Variants in HSPA2 observed in about 807,000 individuals in gnomAD.
The protein encoded by HSPA2 is heat shock-related 70 kDa protein 2.
HSPA2 carries 13 observed loss-of-function variants against 35.0 expected under a neutral mutation model. The observed-to-expected ratio is 0.37, with a 90% CI of 0.24 to 0.59. The LOEUF (loss-of-function observed/expected upper bound fraction) is 0.59. Among genes scored for constraint, HSPA2 ranks in the 20% least tolerant of loss-of-function variants. The pLI, the probability that HSPA2 is intolerant of heterozygous loss-of-function variation, is 0.70. For synonymous variants in HSPA2, 368 were observed against 382.1 expected (o/e 0.96, Z 0.43); for missense variants, 565 against 885.4 (o/e 0.64, Z 4.59).
chr14:64,542,465 T>C lies in HSPA2; in HGVS notation c.1616T>C (p.Val539Ala), dbSNP rs2080041584. ...GAAGATGAGGCGAATCGCGACCGAG[T>C]CGCGGCCAAAAACGCCCTGGAGTCC... ...KSEDEANRDR[V>A]AAKNALESYT... is the part of the protein sequence containing the mutation. The change falls in exon 1 of 1, where the codon GTC becomes GCC. Residue 539 changes from valine (V) to alanine (A), a missense_variant. By Grantham distance (64) the Val-to-Ala change is moderately conservative. This residue lies in a region of HSPA2 where 147 missense variants were observed against 166.7 expected (regional missense o/e 0.88). Coordinates refer to ENST00000247207, the MANE Select transcript of HSPA2 (RefSeq NM_021979.4). This position sits in a 1 kb window ranked among gnomAD's most constrained non-coding sequence, Gnocchi z 5.7. The C allele has an allele frequency of 6.2e-7, 1 of 1,612,720 alleles. No individual in the cohort carries two copies.
In HSPA2 at chr14:64,540,863, G is replaced by T; in HGVS notation, c.14G>T (p.Gly5Val). ...CTTTCAGTCAGGATGTCTGCCCGTGGCCCGGCTATCGGCATCGACCTGGGC... is the reference window on the plus strand; with the variant it reads ...CTTTCAGTCAGGATGTCTGCCCGTGTCCCGGCTATCGGCATCGACCTGGGC... The part of the protein sequence containing the change: MSAR[G>V]PAIGIDLGTT... The change falls in exon 1 of 1, where the codon GGC becomes GTC. Residue 5 changes from glycine (G) to valine (V), a missense_variant. Around this residue, in one of 4 missense-constraint regions of HSPA2, gnomAD observed 183 missense variants for 281.6 expected, o/e 0.65. Coordinates refer to ENST00000247207, the MANE Select transcript of HSPA2 (RefSeq NM_021979.4). 6.2e-7 allele frequency: 1 copy of T among 1,614,122 alleles called. No homozygotes were observed. The highest frequency in any genetic ancestry group is 8.5e-7 in the Non-Finnish European group (1 of 1,180,018).
Position 64,541,257 on chromosome 14 carries a change from G to T in HSPA2, c.408G>T (p.Leu136=). ...TKMKEIAEAY[L]GGKVHSAVIT... ...TGAAGGAGATCGCGGAAGCCTACCT[G>T]GGGGGCAAGGTGCACAGCGCGGTCA... is the stretch of plus-strand genomic sequence containing the variant. The change falls in exon 1 of 1, where the codon CTG becomes CTT. Residue 136 remains leucine (L), a synonymous_variant. Transcript: ENST00000247207. 6.2e-7 allele frequency: 1 copy of T among 1,613,710 alleles called. No homozygotes were observed. Among genetic ancestry groups the T allele is most frequent in the Non-Finnish European group, 8.5e-7 (1 of 1,179,898 alleles).
chr14:64,540,125 G>A (rs2080013291), upstream of HSPA2, among the ~76,000 whole-genome samples: 1 of 149,426 alleles, frequency 6.7e-6, no homozygotes, highest in Admixed American at 6.7e-5. Context: ...CCCCACCCCA[G>A]CCACCCCAAT....
chr14:64,542,604 C>T lies in HSPA2; in HGVS notation c.1755C>T (p.Asp585=). ...DKCQEVINWL[D]RNQMAEKDEY... is the part of the protein sequence containing the mutation. ...GTCAGGAGGTGATCAACTGGCTCGA[C>T]CGAAACCAGATGGCAGAGAAAGATG... Residue 585 remains aspartate, a synonymous_variant, in exon 1 of 1, where the codon GAC becomes GAT. Coordinates refer to ENST00000247207, the MANE Select transcript of HSPA2 (RefSeq NM_021979.4). This position sits in a 1 kb window ranked among gnomAD's most constrained non-coding sequence, Gnocchi z 5.7. 2 of 1,613,828 alleles carry T rather than the reference C, an allele frequency of 1.2e-6. No individual in the cohort carries two copies. Among genetic ancestry groups the T allele is most frequent in the Non-Finnish European group, 8.5e-7 (1 of 1,179,998 alleles).
upstream of HSPA2, among the ~76,000 whole-genome samples, chr14:64,537,584 A>T (rs1161607029): frequency 6.7e-6 from 1 of 148,968 alleles, no homozygotes; most frequent in Admixed American, 6.9e-5. Flanking sequence ...GTCTCAAAAA[A>T]AACCAAACAA....
At position 64,542,912 on chromosome 14, in the gene HSPA2, C is replaced by A; in HGVS notation, c.*143C>A. 7.8e-7 allele frequency: 1 copy of A among 1,285,934 alleles called. No individual in the cohort carries two copies. 79.7% of individuals were successfully genotyped at this position (1,285,934 alleles called of 1,614,324 possible). A position where few individuals can be genotyped will look rare whatever the true frequency, so the allele number is the denominator to read the frequency against. On this transcript the variant is annotated 3_prime_UTR_variant, in exon 1 of 1. Coordinates refer to ENST00000247207, the MANE Select transcript of HSPA2 (RefSeq NM_021979.4). The surrounding 1 kb of genome is among the most constrained non-coding windows in gnomAD (Gnocchi z 5.7). ...TATGCAAATGAAAGGAGAGGTGCAA[C>A]AACTTAGTTTAATTATAAAAGTTCC...
At chr14:64,539,638 C>T (rs1174776878), upstream of HSPA2, among the ~76,000 whole-genome samples, 1 of 150,892 alleles carries the variant, frequency 6.6e-6, no homozygotes, top group Non-Finnish European at 1.5e-5. Flanking sequence ...AAACGGTCGG[C>T]CTCGCCCTGG....
upstream of HSPA2, among the ~76,000 whole-genome samples, chr14:64,538,966 C>T (rs1335874472): frequency 6.6e-6 from 1 of 152,144 alleles, no homozygotes; most frequent in Non-Finnish European, 1.5e-5. Flanking sequence ...CCACCACGCC[C>T]GGCTAATTTT....
chr14:64,542,349 G>A lies in HSPA2; in HGVS notation c.1500G>A (p.Lys500=), dbSNP rs142119907. ...NVTAADKSTG[K]ENKITITNDK... The stretch of plus-strand genomic sequence containing the variant: ...CCGCCGCCGACAAGAGCACCGGTAA[G>A]GAAAACAAAATCACCATCACCAATG... The change falls in exon 1 of 1, where the codon AAG becomes AAA. Residue 500 remains lysine, a synonymous_variant. Transcript: ENST00000247207. This position sits in a 1 kb window ranked among gnomAD's most constrained non-coding sequence, Gnocchi z 5.7. 5.2e-5 allele frequency: 84 copies of A among 1,613,758 alleles called. No homozygotes were observed. The highest frequency in any genetic ancestry group is 6.1e-5 in the Non-Finnish European group (72 of 1,179,916).
rs377294292 is a variant in HSPA2 at position 64,541,767 on chromosome 14, G to A, written c.918G>A (p.Glu306=). The part of the protein sequence containing the change: ...FYTSITRARF[E]ELNADLFRGT... ...CGTCCATCACGCGCGCCCGCTTCGA[G>A]GAGCTCAATGCCGACCTCTTTCGCG... The change falls in exon 1 of 1, where the codon GAG becomes GAA. Residue 306 remains glutamate (E), a synonymous_variant. Transcript: ENST00000247207. 2.5e-6 allele frequency: 4 copies of A among 1,613,122 alleles called. No individual in the cohort carries two copies. Among genetic ancestry groups the A allele is most frequent in the Non-Finnish European group, 3.4e-6 (4 of 1,179,946 alleles).
chr14:64,539,714 C>A (rs1204468286), upstream of HSPA2, among the ~76,000 whole-genome samples: 1 of 152,058 alleles, frequency 6.6e-6, no homozygotes, highest in Non-Finnish European at 1.5e-5. Context: ...CGGAGTCTCG[C>A]TCAGTCGCCC....
At position 64,541,517 on chromosome 14, in the gene HSPA2, A is replaced by C; in HGVS notation, c.668A>C (p.Lys223Thr). The C allele has an allele frequency of 6.2e-7, 1 of 1,609,020 alleles. No individual in the cohort carries two copies. Among genetic ancestry groups the C allele is most frequent in the Non-Finnish European group, 8.5e-7 (1 of 1,176,058 alleles). ...ATCGAGGATGGCATCTTCGAGGTGAAGTCCACGGCCGGCGACACCCACCTG... is the reference window on the plus strand; with the variant it reads ...ATCGAGGATGGCATCTTCGAGGTGACGTCCACGGCCGGCGACACCCACCTG... Reference protein sequence around the residue: ...LTIEDGIFEVKSTAGDTHLGG... With the variant: ...LTIEDGIFEVTSTAGDTHLGG... The change falls in exon 1 of 1, where the codon AAG becomes ACG. Residue 223 changes from lysine (K) to threonine (T), a missense_variant. By Grantham distance (78) the Lys-to-Thr change is moderately conservative. This residue lies in a region of HSPA2 where 234 missense variants were observed against 419.0 expected (regional missense o/e 0.56). Coordinates refer to ENST00000247207, the MANE Select transcript of HSPA2 (RefSeq NM_021979.4).
In HSPA2 at chr14:64,541,733, A is replaced by G; in HGVS notation, c.884A>G (p.Asp295Gly). ...ATCGACTCGCTCTACGAGGGCGTGG[A>G]CTTCTATACGTCCATCACGCGCGCC... The part of the protein sequence containing the change: ...IEIDSLYEGV[D>G]FYTSITRARF... Residue 295 changes from aspartate (D) to glycine (G), a missense_variant, in exon 1 of 1, where the codon GAC becomes GGC. Asp to Gly is a moderately conservative substitution (Grantham distance 94). Coordinates refer to ENST00000247207, the MANE Select transcript of HSPA2 (RefSeq NM_021979.4). The G allele has an allele frequency of 6.2e-7, 1 of 1,612,016 alleles. No individual in the cohort carries two copies. Among genetic ancestry groups the G allele is most frequent in the South Asian group, 1.1e-5 (1 of 90,960 alleles).
chr14:64,539,772 C>T (rs2080009122), upstream of HSPA2, among the ~76,000 whole-genome samples: 1 of 152,166 alleles, frequency 6.6e-6, no homozygotes, highest in Non-Finnish European at 1.5e-5. Flanking sequence ...ACCTCCACCT[C>T]CCGGGTTCAA....
At chr14:64,536,619 G>C (rs1431223634), upstream of HSPA2, among the ~76,000 whole-genome samples, 1 of 152,128 alleles carries the variant, frequency 6.6e-6, no homozygotes. Context: ...AATTAGCCGG[G>C]CTTGGTGGTG....
rs1458025150 is a variant in HSPA2 at position 64,541,310 on chromosome 14, C to G, written c.461C>G (p.Ser154Trp). ...VITVPAYFND[S>W]QRQATKDAGT... ...ACGGTCCCGGCCTATTTCAACGACT[C>G]GCAGCGCCAGGCCACCAAGGACGCA... Residue 154 changes from serine (S) to tryptophan (W), a missense_variant, in exon 1 of 1, where the codon TCG becomes TGG. Physicochemically the swap from Ser to Trp is radical, Grantham distance 177. Around this residue, in one of 4 missense-constraint regions of HSPA2, gnomAD observed 183 missense variants for 281.6 expected, o/e 0.65. Coordinates refer to ENST00000247207, the MANE Select transcript of HSPA2 (RefSeq NM_021979.4). The G allele has an allele frequency of 6.2e-7, 1 of 1,613,610 alleles. No individual in the cohort carries two copies. The highest frequency in any genetic ancestry group is 8.5e-7 in the Non-Finnish European group (1 of 1,180,056).
chr14:64,542,870 G>T lies in HSPA2; in HGVS notation c.*101G>T. Reference sequence around the variant, plus strand: ...CCTTGTGCCAAGTACGAGATCTATTGTTGGAAGTCTTTGGTATATGCAAAT... The same window carrying T: ...CCTTGTGCCAAGTACGAGATCTATTTTTGGAAGTCTTTGGTATATGCAAAT... On this transcript the variant is annotated 3_prime_UTR_variant, in exon 1 of 1. Transcript: ENST00000247207. This position sits in a 1 kb window ranked among gnomAD's most constrained non-coding sequence, Gnocchi z 5.7. 6.9e-7 allele frequency: 1 copy of T among 1,455,182 alleles called. No individual in the cohort carries two copies. The highest frequency in any genetic ancestry group is 1.4e-5 in the African/African-American group (1 of 69,678). The allele number at this position is 1,455,182 out of a possible 1,614,324, so 90.1% of individuals were successfully genotyped here.
In HSPA2 at chr14:64,542,723, G is replaced by A; in HGVS notation, c.1874G>A (p.Gly625Asp). Residue 625 changes from glycine (G) to aspartate (D), a missense_variant, in exon 1 of 1, where the codon GGC becomes GAC. Transcript: ENST00000247207. This position sits in a 1 kb window ranked among gnomAD's most constrained non-coding sequence, Gnocchi z 5.7. ...QGGPGGGSGG[G>D]GSGASGGPTI... ...GGTCCTGGCGGCGGCAGCGGCGGCG[G>A]CGGTTCAGGAGCCTCCGGGGGACCC... is the stretch of plus-strand genomic sequence containing the variant. The A allele has an allele frequency of 1.9e-6, 3 of 1,613,490 alleles. No individual in the cohort carries two copies. Among genetic ancestry groups the A allele is most frequent in the Non-Finnish European group, 2.5e-6 (3 of 1,179,772 alleles).
In HSPA2 at chr14:64,542,770, G is replaced by A. The variant is rs1179869036; in HGVS notation, c.*1G>A. 2 of 1,600,714 alleles carry A rather than the reference G, an allele frequency of 1.2e-6. No individual in the cohort carries two copies. Among genetic ancestry groups the A allele is most frequent in the South Asian group, 2.2e-5 (2 of 89,826 alleles). On this transcript the variant is annotated 3_prime_UTR_variant, in exon 1 of 1. Coordinates refer to ENST00000247207, the MANE Select transcript of HSPA2 (RefSeq NM_021979.4). This position sits in a 1 kb window ranked among gnomAD's most constrained non-coding sequence, Gnocchi z 5.7. Reference sequence around the variant, plus strand: ...ACCCACCATCGAAGAAGTGGACTAAGCTTGCACTCAAGTCAGCGTAAACCT... The same window carrying A: ...ACCCACCATCGAAGAAGTGGACTAAACTTGCACTCAAGTCAGCGTAAACCT...
Sources: gnomAD v4.1 joint callset for allele counts (sites outside exome capture counted in the v4.1 genomes callset) on GRCh38, gnomAD v4.1.1 for gene constraint, gnomAD v4.1.1 regional missense constraint, Gnocchi (gnomAD v3.1) non-coding constraint, MANE v1.5 for transcripts, NCBI Gene and HGNC (gene_info 2026-07-23, HGNC 2026-07-21) for gene names.